The following DMXL2 variants were observed in gnomAD, a reference collection of about 807,000 sequenced individuals.
DMXL2 encodes Dmx like 2.
DMXL2 carries 103 observed loss-of-function variants against 331.1 expected under a neutral mutation model. That is an observed-to-expected ratio of 0.31 (90% CI 0.27 to 0.37). The LOEUF (loss-of-function observed/expected upper bound fraction) is 0.37, where lower values mean the gene tolerates loss of function less well. Among genes scored for constraint, DMXL2 ranks in the 10% least tolerant of loss-of-function variants. DMXL2 has a pLI of 1.00. For synonymous variants in DMXL2, 1,281 were observed against 1,252.1 expected, an observed-to-expected ratio of 1.02 and a Z score of -0.49; for missense variants, 3,171 against 3,642.9, an observed-to-expected ratio of 0.87 and a Z score of 3.33.
Position 51,465,795 on chromosome 15 carries a change from C to T in DMXL2, c.7521-144G>A, listed in dbSNP as rs916318427. The stretch of plus-strand genomic sequence containing the variant: ...GAAATTTACTATGCAAAAATGGCAC[C>T]TCTGTGGTCACTGAATACAAAAAAC... On this transcript the variant is annotated intron_variant, in intron 30 of 43. Transcript: ENST00000560891. 5 of 624,440 alleles carry T rather than the reference C, an allele frequency of 8.0e-6. No homozygotes were observed. The African/African-American group carries it at 9.6e-5, about 12-fold the overall frequency. 38.7% of individuals were successfully genotyped at this position (624,440 alleles called of 1,614,324 possible).
intron 1 of DMXL2, among the ~76,000 whole-genome samples, chr15:51,613,821 T>C (rs955207378): frequency 6.6e-6 from 1 of 152,234 alleles, no homozygotes; most frequent in African/African-American, 2.4e-5. Flanking sequence ...ATTCTTAAAA[T>C]TTCTTTAACA....
intron 6 of DMXL2, among the ~76,000 whole-genome samples, chr15:51,550,111 G>A (rs1044877101): frequency 6.6e-6 from 1 of 152,124 alleles, no homozygotes; most frequent in Non-Finnish European, 1.5e-5. Flanking sequence ...GAGTTGTAGG[G>A]ATGGTTTAAT....
At position 51,453,595 on chromosome 15, in the gene DMXL2, G is replaced by T; in HGVS notation, c.8651C>A (p.Thr2884Asn). ...AGATGTGGCAACTAGACTTGAAGAG[G>T]TAATAAATGCAAAGTCACTTGTGGC... The part of the protein sequence containing the change: ...SKATSDFAFI[T>N]SSSLVATSGH... Residue 2884 changes from threonine (T) to asparagine (N), a missense_variant, in exon 41 of 44, where the codon ACC (threonine) becomes AAC (asparagine). Transcript: ENST00000560891. The T allele has an allele frequency of 1.2e-6, 2 of 1,613,720 alleles. No homozygotes were observed. Among genetic ancestry groups the T allele is most frequent in the Non-Finnish European group, 1.7e-6 (2 of 1,179,844 alleles).
At chr15:51,563,005 A>G (rs113394205) in intron 6 of DMXL2, among the ~76,000 whole-genome samples, 57 of 152,314 alleles carry the variant, frequency 3.7e-4, no homozygotes, top group Middle Eastern at 3.4e-3. Context: ...AACTTGACAA[A>G]TAATTGCCTC....
In DMXL2 at chr15:51,486,060, CA is replaced by C. The variant is rs771716479; in HGVS notation, c.5482+12del. 6.5e-7 allele frequency: 1 copy of C among 1,542,586 alleles called. No homozygotes were observed. The highest frequency in any genetic ancestry group is 1.2e-5 in the South Asian group (1 of 80,314). On this transcript the variant is annotated intron_variant, in intron 23 of 43. Coordinates refer to ENST00000560891, the MANE Select transcript of DMXL2 (RefSeq NM_001378457.1). ...TTAAAAAAGAAAAAAAAGAAATCCACAAAACGTCCTACCTTGATGTTCATCA... is the reference window on the plus strand; with the variant it reads ...TTAAAAAAGAAAAAAAAGAAATCCACAAACGTCCTACCTTGATGTTCATCA...
chr15:51,525,637 A>ATT, intron 13 of DMXL2, among the ~76,000 whole-genome samples: 1 of 152,238 alleles, frequency 6.6e-6, no homozygotes, highest in Middle Eastern at 3.4e-3. Context: ...ATCCTTAAGA[A>ATT]AACATTGGTA....
chr15:51,565,217 A>C, intron 3 of DMXL2, 51 bp from the exon 4 acceptor site: 1 of 1,223,470 alleles, frequency 8.2e-7, no homozygotes, highest in Non-Finnish European at 1.1e-6. Context: ...GATGTTTTTC[A>C]AATAATATCC....
chr15:51,450,462 CATTTATTGTTTTGTAAGTCAT>C, intron 42 of DMXL2, 116 bp from the exon 43 acceptor site: 1 of 985,780 alleles, frequency 1.0e-6, no homozygotes, highest in Non-Finnish European at 1.5e-6. Context: ...TTCTAAGGTA[CATTTATTGTTTTGTAAGTCAT>C]TGAATTTCTG....
At chr15:51,451,582 C>CATTCCTTCATGGTGTATT in intron 42 of DMXL2, 63 bp downstream of exon 42, 1 of 1,265,896 alleles carries the variant, frequency 7.9e-7, no homozygotes, top group Non-Finnish European at 1.1e-6. Flanking sequence ...ACCAAGAAAG[C>CATTCCTTCATGGTGTATT]ATTCCTTCAT....
At chr15:51,498,065 C>G (rs1318497988) in intron 18 of DMXL2, among the ~76,000 whole-genome samples, 1 of 151,824 alleles carries the variant, frequency 6.6e-6, no homozygotes, top group Non-Finnish European at 1.5e-5. Flanking sequence ...AGACCTAGTC[C>G]CTACAAAAAA....
intron 13 of DMXL2, among the ~76,000 whole-genome samples, chr15:51,526,864 A>G (rs1260335647): frequency 6.6e-6 from 1 of 152,226 alleles, no homozygotes; most frequent in Non-Finnish European, 1.5e-5. Context: ...AATGAATAAA[A>G]AACAACGAAG....
Position 51,471,350 on chromosome 15 carries a change from A to C in DMXL2, c.7265T>G (p.Met2422Arg). The change falls in exon 29 of 44, where the codon ATG becomes AGG. Residue 2422 changes from methionine to arginine, a missense_variant. Met to Arg is a moderately conservative substitution (Grantham distance 91, BLOSUM62 -1). This residue lies in a region of DMXL2 where 766 missense variants were observed against 940.5 expected (regional missense o/e 0.81). Transcript: ENST00000560891. ...DIDKHRRRFN[M>R]RMLVPGRPVK... ...AGGCCTTCCAGGGACGAGCATTCTC[A>C]TGTTAAATCTCCTACGGTGTTTATC... is the stretch of plus-strand genomic sequence containing the variant. 1 of 1,614,064 alleles carries C rather than the reference A, an allele frequency of 6.2e-7. No individual in the cohort carries two copies.
In DMXL2 at chr15:51,449,119, G is replaced by T. The variant is rs746059395; in HGVS notation, c.9042C>A (p.Asn3014Lys). ...CAATCTGCATGACTCCAGCCCCAAT[G>T]TTTCGAAATATGGACTGCTTAGCAT... ...SEHAKQSIFR[N>K]IGAGVMQIDI... Residue 3014 changes from asparagine to lysine, a missense_variant, in exon 44 of 44, where the codon AAC becomes AAA. This residue lies in a region of DMXL2 where 766 missense variants were observed against 940.5 expected (regional missense o/e 0.81). Transcript: ENST00000560891. The T allele has an allele frequency of 1.2e-6, 2 of 1,614,134 alleles. No individual in the cohort carries two copies. Among genetic ancestry groups the T allele is most frequent in the Non-Finnish European group, 1.7e-6 (2 of 1,180,008 alleles).
At chr15:51,489,140 AT>A (rs1359061207) in intron 20 of DMXL2, among the ~76,000 whole-genome samples, 2 of 152,212 alleles carry the variant, frequency 1.3e-5, no homozygotes, top group African/African-American at 2.4e-5. Context: ...AACATGTTAT[AT>A]TGTATGCAAT....
intron 6 of DMXL2, among the ~76,000 whole-genome samples, chr15:51,557,933 G>A (rs1463719077): frequency 6.6e-6 from 1 of 152,220 alleles, no homozygotes; most frequent in African/African-American, 2.4e-5. Context: ...CTAGACCAGA[G>A]GCTCTTGGCC....
Position 51,458,702 on chromosome 15 carries a change from C to G in DMXL2, c.8076+7G>C. On this transcript the variant is annotated splice_region_variant and intron_variant, in intron 35 of 43. Transcript: ENST00000560891. ...AATACACTGTGTATAATGATGAGAG[C>G]TTTTACCTTATTAACAGAAAATGCC... 1.2e-6 allele frequency: 2 copies of G among 1,613,936 alleles called. No individual in the cohort carries two copies. Among genetic ancestry groups the G allele is most frequent in the South Asian group, 1.1e-5 (1 of 91,062 alleles).
At chr15:51,555,968 C>T (rs913472750) in intron 6 of DMXL2, among the ~76,000 whole-genome samples, 1 of 152,156 alleles carries the variant, frequency 6.6e-6, no homozygotes, top group African/African-American at 2.4e-5. Flanking sequence ...ATAACATCAA[C>T]ATAAAAATCT....
rs930920 is a variant in DMXL2 at position 51,457,529 on chromosome 15, A to C, written c.8199-63T>G. 794,616 of 1,571,840 alleles carry C rather than the reference A, an allele frequency of 0.51. 208,308 individuals carry two copies. Among genetic ancestry groups the C allele is most frequent in the Non-Finnish European group, 0.54 (622,647 of 1,154,436 alleles). On this transcript the variant is annotated intron_variant, in intron 36 of 43. Transcript: ENST00000560891. ...TTTTCTCTTAACACAAATTCCAACT[A>C]AAAATCTTCTTATGTACCCATAGGA...
rs145956699 is a variant in DMXL2, at chr15:51,478,489, A to C, written c.6757-142T>G. On this transcript the variant is annotated intron_variant, in intron 25 of 43. Coordinates refer to ENST00000560891, the MANE Select transcript of DMXL2 (RefSeq NM_001378457.1). ...TAGATGAGACTACTAACTCTGCTTT[A>C]AATCTTCTAAAGTAACTGTCACCCA... is the stretch of plus-strand genomic sequence containing the variant. 384 of 663,296 alleles carry C rather than the reference A, an allele frequency of 5.8e-4. No individual in the cohort carries two copies. In the African/African-American group the frequency reaches 6.3e-3, roughly 11 times the overall value. 41.1% of individuals were successfully genotyped at this position (663,296 alleles called of 1,614,324 possible).
Sources: allele counts gnomAD v4.1 joint callset (sites outside exome capture counted in the v4.1 genomes callset), GRCh38; gene constraint gnomAD v4.1.1; regional missense constraint gnomAD v4.1.1; transcripts MANE v1.5; gene names NCBI Gene and HGNC (gene_info 2026-07-23, HGNC 2026-07-21).